ZRSR2: variants seen among roughly 807,000 people sequenced by gnomAD.
ZRSR2 encodes zinc finger CCCH-type, RNA binding motif and serine/arginine rich 2.
In ZRSR2, 3 loss-of-function variants were observed where a neutral mutation model predicts 39.4. That is an observed-to-expected ratio of 0.08 (90% CI 0.03 to 0.20). ZRSR2 has a LOEUF of 0.20. Among genes scored for constraint, ZRSR2 ranks in the 10% least tolerant of loss-of-function variants. ZRSR2 has a pLI of 1.00. For synonymous variants in ZRSR2, 137 were observed against 136.0 expected, an observed-to-expected ratio of 1.01 and a Z score of -0.05; for missense variants, 256 against 391.5, an observed-to-expected ratio of 0.65 and a Z score of 2.92.
intron 4 of ZRSR2, 130 bp from the exon 5 acceptor site, chrX:15,803,981 T>C: frequency 1.3e-6 from 1 of 777,850 alleles, no homozygotes; most frequent in Non-Finnish European, 1.7e-6. Context: ...ATCTTGAACT[T>C]AAAAAAAAAA....
At position 15,823,161 on chromosome X, in the gene ZRSR2, A is replaced by G. The variant is rs1569074837; in HGVS notation, c.1368A>G (p.Gln456=). The G allele has an allele frequency of 6.6e-6, 8 of 1,206,291 alleles. No individual in the cohort carries two copies. The highest frequency in any genetic ancestry group is 2.2e-5 in the Admixed American group (1 of 45,375). Reference sequence around the variant, plus strand: ...GCAGGAGCCGCCGCAGCCGGAGCCAAAGTTCCTCTAGGTCCCGAAGTCGTG... The same window carrying G: ...GCAGGAGCCGCCGCAGCCGGAGCCAGAGTTCCTCTAGGTCCCGAAGTCGTG... ...RSRRSRRSRS[Q]SSSRSRSRGR... Residue 456 remains glutamine, a synonymous_variant, in exon 11 of 11, where the codon CAA becomes CAG. Transcript: ENST00000307771.
At chrX:15,821,837 G>A (rs934844998) in intron 10 of ZRSR2, among the ~76,000 whole-genome samples, 6 of 110,814 alleles carry the variant, frequency 5.4e-5, no homozygotes, top group Non-Finnish European at 9.4e-5. Context: ...TTTAAAAAAC[G>A]TTTGAGAACC....
intron 7 of ZRSR2, among the ~76,000 whole-genome samples, chrX:15,809,940 G>A (rs1003903860): frequency 3.6e-5 from 4 of 112,409 alleles, no homozygotes; most frequent in African/African-American, 9.7e-5. Flanking sequence ...GGTACAGACC[G>A]TTGGGTTCAA....
chrX:15,822,926 G>A lies in ZRSR2; in HGVS notation c.1133G>A (p.Arg378Gln), dbSNP rs755330386. Reference sequence around the variant, plus strand: ...CACGACGACTACTACAGCAGGCTGCGGGGAAGGAGAAACCCTAGTCCAGAC... The same window carrying A: ...CACGACGACTACTACAGCAGGCTGCAGGGAAGGAGAAACCCTAGTCCAGAC... ...GHHDDYYSRL[R>Q]GRRNPSPDHS... The change falls in exon 11 of 11, where the codon CGG becomes CAG. Residue 378 changes from arginine (R) to glutamine (Q), a missense_variant. Arg to Gln is a conservative substitution (Grantham distance 43). Around this residue, in one of 3 missense-constraint regions of ZRSR2, gnomAD observed 111 missense variants for 116.7 expected, o/e 0.95. Transcript: ENST00000307771. 8.2e-7 allele frequency: 1 copy of A among 1,212,305 alleles called. No homozygotes were observed. The highest frequency in any genetic ancestry group is 1.1e-6 in the Non-Finnish European group (1 of 895,624).
chrX:15,802,591 C>T (rs1448396702), intron 3 of ZRSR2, among the ~76,000 whole-genome samples: 1 of 111,370 alleles, frequency 9.0e-6, no homozygotes, highest in East Asian at 2.9e-4. Flanking sequence ...TCCCAAGTAG[C>T]TGGGATTATA....
Position 15,823,103 on chromosome X carries a change from G to C in ZRSR2, c.1310G>C (p.Arg437Pro). 1 of 1,206,456 alleles carries C rather than the reference G, an allele frequency of 8.3e-7. No individual in the cohort carries two copies. Among genetic ancestry groups the C allele is most frequent in the Non-Finnish European group, 1.1e-6 (1 of 892,950 alleles). The change falls in exon 11 of 11, where the codon CGG (arginine) becomes CCG (proline). Residue 437 changes from arginine to proline, a missense_variant. Arg to Pro is a moderately radical substitution (Grantham distance 103). Coordinates refer to ENST00000307771, the MANE Select transcript of ZRSR2 (RefSeq NM_005089.4). ...RDRSRDRSRG[R>P]GSRSRSRSRS... ...CGCAGCAGGGACCGCAGCCGGGGCC[G>C]GGGCAGCCGGAGCCGGAGCCGGAGC...
chrX:15,815,582 C>T (rs993818418), intron 7 of ZRSR2, 95 bp from the exon 8 acceptor site: 3 of 762,904 alleles, frequency 3.9e-6, no homozygotes, highest in Non-Finnish European at 3.8e-6. Context: ...GTTGGGATTA[C>T]AGGCGTGAGC....
chrX:15,796,391 G>A (rs1224996680), intron 2 of ZRSR2, among the ~76,000 whole-genome samples: 1 of 112,388 alleles, frequency 8.9e-6, no homozygotes, highest in Non-Finnish European at 1.9e-5. Context: ...GTCACAAGGT[G>A]TTTTAAGTGA....
intron 2 of ZRSR2, among the ~76,000 whole-genome samples, chrX:15,799,281 A>G (rs764984322): frequency 1.8e-4 from 20 of 109,779 alleles, no homozygotes; most frequent in African/African-American, 6.6e-4. Flanking sequence ...ATATGTTGAG[A>G]TAGTGTGAAT....
At chrX:15,815,046 C>T (rs962241153) in intron 7 of ZRSR2, among the ~76,000 whole-genome samples, 3 of 111,850 alleles carry the variant, frequency 2.7e-5, no homozygotes, top group African/African-American at 6.5e-5. Flanking sequence ...CACCAATCAG[C>T]GGGCCTTCTT....
intron 3 of ZRSR2, chrX:15,801,413 A>G (rs1057241187): frequency 1.0e-5 from 3 of 299,949 alleles, no homozygotes; most frequent in African/African-American, 8.3e-5. Flanking sequence ...TTGTACTTTT[A>G]GTAGAGATGG....
chrX:15,791,657 T>C (rs1476520432), intron 2 of ZRSR2, among the ~76,000 whole-genome samples: 4 of 84,563 alleles, frequency 4.7e-5, no homozygotes, highest in East Asian at 3.5e-4. Flanking sequence ...TCTTTTCTTT[T>C]TTTTTTTTTT....
At chrX:15,796,114 C>T (rs980150922) in intron 2 of ZRSR2, among the ~76,000 whole-genome samples, 2 of 109,435 alleles carry the variant, frequency 1.8e-5, no homozygotes, top group African/African-American at 3.3e-5. Flanking sequence ...CTGCAACCTC[C>T]GCCTCCCGGG....
intron 2 of ZRSR2, among the ~76,000 whole-genome samples, chrX:15,795,386 CTGAATTAGAAACATTGTGT>C (rs1932419985): frequency 9.0e-6 from 1 of 111,057 alleles, no homozygotes; most frequent in African/African-American, 3.3e-5. Context: ...GGTCTAGAGG[CTGAATTAGAAACATTGTGT>C]TTGGGGGCAA....
intron 2 of ZRSR2, among the ~76,000 whole-genome samples, chrX:15,794,421 A>C (rs1932382248): frequency 9.0e-6 from 1 of 111,422 alleles, no homozygotes; most frequent in Admixed American, 9.6e-5. Flanking sequence ...TCTAAGCCTT[A>C]CCAATAACAT....
intron 2 of ZRSR2, among the ~76,000 whole-genome samples, chrX:15,796,832 C>T (rs1421956935): frequency 2.5e-5 from 2 of 78,588 alleles, no homozygotes; most frequent in Non-Finnish European, 4.4e-5. Context: ...CTCGCTCTGT[C>T]GCCCAGGCTA....
chrX:15,821,808 A>T (rs1487629927), intron 10 of ZRSR2, among the ~76,000 whole-genome samples: 1 of 110,748 alleles, frequency 9.0e-6, no homozygotes, highest in African/African-American at 3.3e-5. Flanking sequence ...TGTTGTGCAT[A>T]TCTGGGGAAT....
In ZRSR2 at chrX:15,799,141, G is replaced by A. The variant is rs1019408100; in HGVS notation, c.122-731G>A. On this transcript the variant is annotated intron_variant, in intron 2 of 10. Coordinates refer to ENST00000307771, the MANE Select transcript of ZRSR2 (RefSeq NM_005089.4). Reference sequence around the variant, plus strand: ...GCGGAGGTTGCAGTGAGCCAAGATCGCGCCATTGCACTCCAGCCTGGCGAC... The same window carrying A: ...GCGGAGGTTGCAGTGAGCCAAGATCACGCCATTGCACTCCAGCCTGGCGAC... Among the ~76,000 whole-genome samples, 10 of 104,273 alleles carry A rather than the reference G, an allele frequency of 9.6e-5. No homozygotes were observed. In the East Asian group the frequency reaches 1.8e-3, roughly 19 times the overall value. The allele number at this position is 104,273 out of a possible 115,157, so 90.5% of individuals were successfully genotyped here. A position where few individuals can be genotyped will look rare whatever the true frequency, so the allele number is the denominator to read the frequency against.
At chrX:15,817,663 G>A (rs1324273861) in intron 8 of ZRSR2, among the ~76,000 whole-genome samples, 3 of 111,478 alleles carry the variant, frequency 2.7e-5, no homozygotes, top group African/African-American at 9.8e-5. Context: ...AGAGCAGTTT[G>A]TCAATACCTA....
Sources: allele counts gnomAD v4.1 joint callset (sites outside exome capture counted in the v4.1 genomes callset), GRCh38; gene constraint gnomAD v4.1.1; regional missense constraint gnomAD v4.1.1; transcripts MANE v1.5; gene names NCBI Gene and HGNC (gene_info 2026-07-23, HGNC 2026-07-21).